PGAP4: variants seen among roughly 807,000 people sequenced by gnomAD.
PGAP4 encodes the protein GPI-N-acetylgalactosamine transferase PGAP4.
In PGAP4, 12 loss-of-function variants were observed where a neutral mutation model predicts 28.2. The observed-to-expected ratio is 0.42, with a 90% CI of 0.27 to 0.69. The LOEUF (loss-of-function observed/expected upper bound fraction) is 0.69, where lower values mean the gene tolerates loss of function less well. Ranked by LOEUF, PGAP4 falls within the 30% of genes least tolerant of loss-of-function variation. The pLI, the probability that PGAP4 is intolerant of heterozygous loss-of-function variation, is 0.22. For missense variants in PGAP4, 425 were observed against 513.5 expected, an observed-to-expected ratio of 0.83 and a Z score of 1.67; for synonymous variants, 205 against 211.8, an observed-to-expected ratio of 0.97 and a Z score of 0.28.
chr9:101,478,330 A>C (rs962701923), intron 1 of PGAP4, among the ~76,000 whole-genome samples: 1 of 152,242 alleles, frequency 6.6e-6, no homozygotes, highest in African/African-American at 2.4e-5. Flanking sequence ...ATTGCTAGTA[A>C]GGTCAATGCA....
At chr9:101,513,491 G>T (rs1407745556) in intron 2 of PGAP4, among the ~76,000 whole-genome samples, 1 of 152,148 alleles carries the variant, frequency 6.6e-6, no homozygotes, top group African/African-American at 2.4e-5. Flanking sequence ...TTTAACAAAA[G>T]AACATGATGA....
At chr9:101,512,209 G>A (rs1384073046) in intron 2 of PGAP4, among the ~76,000 whole-genome samples, 1 of 152,060 alleles carries the variant, frequency 6.6e-6, no homozygotes, top group Non-Finnish European at 1.5e-5. Flanking sequence ...AGTCACTCAT[G>A]CTGATTGCCA....
rs1440277371 is a variant in PGAP4, at chr9:101,486,739, T to G, written c.-78+210A>C. 6.6e-6 allele frequency among the ~76,000 whole-genome samples: 1 copy of G among 151,440 alleles called. No homozygotes were observed. The highest frequency in any genetic ancestry group is 1.5e-5 in the Non-Finnish European group (1 of 67,964). Reference sequence around the variant, plus strand: ...CTCGCAATCCTCCGGCAGGAAGCGGTCGGAGCTGCGGGCAGGGCCGCTAGG... The same window carrying G: ...CTCGCAATCCTCCGGCAGGAAGCGGGCGGAGCTGCGGGCAGGGCCGCTAGG... On this transcript the variant is annotated intron_variant, in intron 1 of 1. Coordinates refer to ENST00000374848, the MANE Select transcript of PGAP4 (RefSeq NM_032342.3). The surrounding 1 kb of genome is among the most constrained non-coding windows in gnomAD (Gnocchi z 4.7).
intron 2 of PGAP4, among the ~76,000 whole-genome samples, chr9:101,525,175 T>G (rs1219676421): frequency 6.6e-6 from 1 of 152,232 alleles, no homozygotes; most frequent in South Asian, 2.1e-4. Context: ...TTAAGTTCTT[T>G]GAGAAATCTC....
rs151061063 is a variant in PGAP4, at chr9:101,476,985, G to A, written c.108C>T (p.Gly36=). The change falls in exon 2 of 2, where the codon GGC becomes GGT. Residue 36 remains glycine, a synonymous_variant. Transcript: ENST00000374848. This position sits in a 1 kb window ranked among gnomAD's most constrained non-coding sequence, Gnocchi z 7.0. ...GGTGACAGGCCAGGGGGGCCAGCAG[G>A]CCAAACGTCACCACTGTTAGGATGA... ...QLFILTVVTF[G]LLAPLACHRL... 6.2e-7 allele frequency: 1 copy of A among 1,613,852 alleles called. No homozygotes were observed. Among genetic ancestry groups the A allele is most frequent in the Non-Finnish European group, 8.5e-7 (1 of 1,179,998 alleles).
intron 2 of PGAP4, among the ~76,000 whole-genome samples, chr9:101,513,627 C>A (rs1046158097): frequency 7.9e-5 from 12 of 152,040 alleles, no homozygotes; most frequent in Non-Finnish European, 1.6e-4. Flanking sequence ...TTTGAGTTGG[C>A]AGCTGTATTA....
exon 1 of PGAP4, chr9:101,533,215 T>C (rs1246126926): frequency 6.6e-6 from 1 of 152,222 alleles, no homozygotes; most frequent in African/African-American, 2.4e-5. Flanking sequence ...AGGGCAGTAG[T>C]TGTCACTCCT....
rs367902864 is a variant in PGAP4 at position 101,524,811 on chromosome 9, A to T, written c.-165+6537T>A. Among the ~76,000 whole-genome samples, 10 of 152,186 alleles carry T rather than the reference A, an allele frequency of 6.6e-5. No homozygotes were observed. The East Asian group carries it at 7.7e-4, about 12-fold the overall frequency. On this transcript the variant is annotated intron_variant, in intron 2 of 3. Transcript: ENST00000374851. ...TTACTTCCACAGTTGGGGCACTCAC[A>T]GTTTTAGGGGGCTCTCCTGGGTCCT... is the stretch of plus-strand genomic sequence containing the variant.
chr9:101,519,220 C>T (rs61093736), intron 2 of PGAP4, among the ~76,000 whole-genome samples: 23,866 of 151,942 alleles, frequency 0.16, 2,373 homozygotes, highest in East Asian at 0.36. Context: ...TGCAATGGTG[C>T]AATCTCCGCT....
intron 2 of PGAP4, among the ~76,000 whole-genome samples, chr9:101,527,106 G>A (rs1359753710): frequency 6.6e-6 from 1 of 152,246 alleles, no homozygotes; most frequent in Admixed American, 6.5e-5. Flanking sequence ...GTGACAGTGA[G>A]AAGAGAGAGT....
At chr9:101,505,365 A>G (rs1268031402) in intron 2 of PGAP4, among the ~76,000 whole-genome samples, 1 of 152,118 alleles carries the variant, frequency 6.6e-6, no homozygotes, top group African/African-American at 2.4e-5. Context: ...ATTGACAGAT[A>G]GAAGCTTCTA....
rs1054369266 is a variant in PGAP4, at chr9:101,473,175, A to G, written c.*2706T>C. 2.6e-5 allele frequency: 4 copies of G among 152,236 alleles called. No homozygotes were observed. Among genetic ancestry groups the G allele is most frequent in the African/African-American group, 9.6e-5 (4 of 41,474 alleles). The allele number at this position is 152,236 out of a possible 1,614,324, so 9.4% of individuals were successfully genotyped here. The stretch of plus-strand genomic sequence containing the variant: ...GATAAAAGTCTTCTCAGAAAGCCTT[A>G]GCAAAATGGGTGCTTTTATTTTCAC... On this transcript the variant is annotated 3_prime_UTR_variant, in exon 2 of 2. Coordinates refer to ENST00000374848, the MANE Select transcript of PGAP4 (RefSeq NM_032342.3).
chr9:101,486,471 G>A lies in PGAP4; in HGVS notation c.-78+478C>T, dbSNP rs1369190396. On this transcript the variant is annotated intron_variant, in intron 1 of 1. Transcript: ENST00000374848. This position sits in a 1 kb window ranked among gnomAD's most constrained non-coding sequence, Gnocchi z 4.7. ...CTCTCGGCGCGCCCGGCGAACCTAA[G>A]GTGTGGACGCGCCGCGAGGGTCCCC... Among the ~76,000 whole-genome samples the A allele has an allele frequency of 6.6e-6, 1 of 152,198 alleles. No homozygotes were observed. The highest frequency in any genetic ancestry group is 1.5e-5 in the Non-Finnish European group (1 of 68,036).
upstream of PGAP4, chr9:101,489,281 A>G (rs1564096215): frequency 6.6e-6 from 1 of 152,260 alleles, no homozygotes; most frequent in Non-Finnish European, 1.5e-5. Context: ...GTACTATTAC[A>G]ATTATTATAG....
upstream of PGAP4, among the ~76,000 whole-genome samples, chr9:101,491,519 C>G (rs1054736185): frequency 6.6e-6 from 1 of 152,066 alleles, no homozygotes; most frequent in African/African-American, 2.4e-5. Flanking sequence ...GCCCATTAAA[C>G]AAGCACTACT....
chr9:101,515,514 T>C (rs907315918), intron 2 of PGAP4, among the ~76,000 whole-genome samples: 2 of 152,178 alleles, frequency 1.3e-5, no homozygotes, highest in African/African-American at 2.4e-5. Flanking sequence ...ATGGTAAAAA[T>C]GTTTCCAAGT....
chr9:101,529,960 C>A (rs973028466), intron 2 of PGAP4, among the ~76,000 whole-genome samples: 1 of 152,136 alleles, frequency 6.6e-6, no homozygotes, highest in Non-Finnish European at 1.5e-5. Context: ...TTCTGTTTAA[C>A]GAGTGATACC....
intron 2 of PGAP4, among the ~76,000 whole-genome samples, chr9:101,497,963 A>G (rs1826766277): frequency 6.6e-6 from 1 of 151,848 alleles, no homozygotes; most frequent in Admixed American, 6.6e-5. Context: ...ATGTAAACTC[A>G]TCAGTTTGTA....
chr9:101,475,271 T>C lies in PGAP4; in HGVS notation c.*610A>G, dbSNP rs1005098053. ...CTAACAATATCAATTATCAGTGCAC[T>C]ACAGATATATAGGAAAAGAAAATCC... On this transcript the variant is annotated 3_prime_UTR_variant, in exon 2 of 2. Coordinates refer to ENST00000374848, the MANE Select transcript of PGAP4 (RefSeq NM_032342.3). 1.9e-5 allele frequency: 3 copies of C among 157,170 alleles called. No homozygotes were observed. The highest frequency in any genetic ancestry group is 7.2e-5 in the African/African-American group (3 of 41,452). The allele number at this position is 157,170 out of a possible 1,614,324, so 9.7% of individuals were successfully genotyped here. A position where few individuals can be genotyped will look rare whatever the true frequency, so the allele number is the denominator to read the frequency against.
Sources: allele counts gnomAD v4.1 joint callset (sites outside exome capture counted in the v4.1 genomes callset), GRCh38; gene constraint gnomAD v4.1.1; non-coding constraint Gnocchi (gnomAD v3.1); transcripts MANE v1.5; gene names NCBI Gene and HGNC (gene_info 2026-07-23, HGNC 2026-07-21).